Variants in RNF216 observed in about 807,000 individuals in gnomAD.
RNF216 encodes E3 ubiquitin-protein ligase RNF216.
Under a neutral mutation model 110.8 loss-of-function variants are expected in RNF216, and 72 were observed. The observed-to-expected ratio is 0.65, with a 90% confidence interval of 0.54 to 0.79. RNF216 has a LOEUF of 0.79. RNF216 is among the 30% of genes least tolerant of loss of function. RNF216 has a pLI of 0.00. For synonymous variants in RNF216, 495 were observed against 407.5 expected (o/e 1.21, Z -2.59); for missense variants, 1,342 against 1,141.2 (o/e 1.18, Z -2.54).
At chr7:5,738,087 CAAAAAAAAA>C (rs200643372) in intron 5 of RNF216, among the ~76,000 whole-genome samples, 23 of 111,004 alleles carry the variant, frequency 2.1e-4, no homozygotes, top group African/African-American at 8.7e-4. Context: ...AGACTGTCTC[CAAAAAAAAA>C]AAAAAAAAAA....
intron 15 of RNF216, among the ~76,000 whole-genome samples, chr7:5,633,330 A>G (rs893723071): frequency 2.0e-5 from 3 of 150,862 alleles, no homozygotes; most frequent in Admixed American, 2.0e-4. Context: ...AATCCCAGCA[A>G]TTTGGGAGGC....
chr7:5,660,708 G>C (rs1789061385), intron 13 of RNF216, among the ~76,000 whole-genome samples: 1 of 152,106 alleles, frequency 6.6e-6, no homozygotes, highest in East Asian at 1.9e-4. Flanking sequence ...CTCCCAAGTA[G>C]CTGGGACCAC....
At chr7:5,670,034 C>T (rs1433221889) in intron 13 of RNF216, among the ~76,000 whole-genome samples, 1 of 151,858 alleles carries the variant, frequency 6.6e-6, no homozygotes, top group African/African-American at 2.4e-5. Context: ...TCGAGCAATT[C>T]TCCTGTCTCA....
intron 1 of RNF216, among the ~76,000 whole-genome samples, chr7:5,779,053 A>G (rs1796932282): frequency 6.6e-6 from 1 of 152,216 alleles, no homozygotes; most frequent in African/African-American, 2.4e-5. Context: ...ACTATGTTCT[A>G]TTATCTTTAA....
intron 3 of RNF216, among the ~76,000 whole-genome samples, chr7:5,747,110 G>A (rs1446467762): frequency 6.6e-6 from 1 of 152,160 alleles, no homozygotes; most frequent in Non-Finnish European, 1.5e-5. Flanking sequence ...CTAACTCTGA[G>A]TTGCCTTTCT....
intron 13 of RNF216, among the ~76,000 whole-genome samples, chr7:5,659,508 C>A (rs1164564524): frequency 6.6e-6 from 1 of 152,140 alleles, no homozygotes; most frequent in Non-Finnish European, 1.5e-5. Context: ...GGACCATGGT[C>A]ACCCAGTAGG....
intron 1 of RNF216, among the ~76,000 whole-genome samples, chr7:5,764,838 G>A (rs181440498): frequency 4.6e-5 from 7 of 152,124 alleles, no homozygotes; most frequent in African/African-American, 1.7e-4. Context: ...AAGCCAAAGC[G>A]GGACAATCAC....
chr7:5,692,452 T>C (rs1260192534), intron 13 of RNF216, among the ~76,000 whole-genome samples: 2 of 152,204 alleles, frequency 1.3e-5, no homozygotes, highest in Non-Finnish European at 2.9e-5. Flanking sequence ...TTGGAAACAG[T>C]CTTGAATTCT....
intron 5 of RNF216, among the ~76,000 whole-genome samples, chr7:5,737,521 AAAAT>A (rs929044459): frequency 2.7e-4 from 6 of 22,088 alleles, no homozygotes; most frequent in Non-Finnish European, 4.9e-4. Flanking sequence ...TGATCAATTA[AAAAT>A]AATAATAATA....
At chr7:5,719,761 T>A (rs561212343) in intron 9 of RNF216, among the ~76,000 whole-genome samples, 7 of 152,372 alleles carry the variant, frequency 4.6e-5, no homozygotes, top group Non-Finnish European at 4.4e-5. Context: ...AGAAAATGCC[T>A]GCCAAATACC....
In RNF216 at chr7:5,777,190, C is replaced by A. The variant is rs953824299; in HGVS notation, c.-70+4351G>T. Among the ~76,000 whole-genome samples, 14 of 152,240 alleles carry A rather than the reference C, an allele frequency of 9.2e-5. No individual in the cohort carries two copies. In the East Asian group the frequency reaches 1.7e-3, roughly 19 times the overall value. ...AGAAGACATTGTGGAAGCGGATGCT[C>A]CAGCACTGGCCACCTCTGCTGACAA... On this transcript the variant is annotated intron_variant, in intron 1 of 16. Transcript: ENST00000389902.
intron 2 of RNF216, among the ~76,000 whole-genome samples, chr7:5,755,237 T>A (rs113312702): frequency 2.6e-5 from 1 of 37,778 alleles, no homozygotes; most frequent in Non-Finnish European, 5.2e-5. Context: ...GAGGGAAGGA[T>A]GAAAGGAAGG....
intron 13 of RNF216, among the ~76,000 whole-genome samples, chr7:5,694,329 G>A (rs1034338388): frequency 6.6e-6 from 1 of 152,202 alleles, no homozygotes; most frequent in Non-Finnish European, 1.5e-5. Flanking sequence ...GCTACTCAAT[G>A]ATATTCTCTT....
At chr7:5,779,827 T>C (rs1464016202) in intron 1 of RNF216, among the ~76,000 whole-genome samples, 2 of 14,010 alleles carry the variant, frequency 1.4e-4, no homozygotes, top group Admixed American at 1.9e-3. Context: ...AGACTCCGCC[T>C]CAAAAAAAAA....
At position 5,621,172 on chromosome 7, in the gene RNF216, T is replaced by TG. The variant is rs1786333672; in HGVS notation, c.*1687_*1688insC. 1 of 78,328 alleles carries TG rather than the reference T, an allele frequency of 1.3e-5. No homozygotes were observed. The allele number at this position is 78,328 out of a possible 1,614,324, so 4.9% of individuals were successfully genotyped here. On this transcript the variant is annotated 3_prime_UTR_variant, in exon 17 of 17. Coordinates refer to ENST00000389902, the MANE Select transcript of RNF216 (RefSeq NM_207111.4). ...AAGGCAGAAAGAATGGGTATCTTAG[T>TG]TTTTTTTTTTTTTTTTTTAAAGATA...
chr7:5,676,638 G>A (rs1279279669), intron 13 of RNF216, among the ~76,000 whole-genome samples: 2 of 152,226 alleles, frequency 1.3e-5, no homozygotes, highest in Non-Finnish European at 2.9e-5. Context: ...CACCACAGGG[G>A]AATACACACA....
At chr7:5,724,331 A>T (rs1403862511) in intron 8 of RNF216, among the ~76,000 whole-genome samples, 1 of 152,252 alleles carries the variant, frequency 6.6e-6, no homozygotes, top group Non-Finnish European at 1.5e-5. Context: ...ATGCTGACAA[A>T]TATAAAGGAA....
At chr7:5,758,735 T>C (rs1403946928) in intron 2 of RNF216, among the ~76,000 whole-genome samples, 2 of 152,202 alleles carry the variant, frequency 1.3e-5, no homozygotes, top group East Asian at 3.8e-4. Context: ...TGTACCCCCA[T>C]AGTATCTTGG....
intron 14 of RNF216, 132 bp from the exon 15 acceptor site, chr7:5,641,508 A>G: frequency 1.4e-6 from 1 of 739,830 alleles, no homozygotes; most frequent in Non-Finnish European, 2.2e-6. Flanking sequence ...CAGTGAAAAG[A>G]GCCTAGGTTT....
Sources: allele counts gnomAD v4.1 joint callset (sites outside exome capture counted in the v4.1 genomes callset), GRCh38; gene constraint gnomAD v4.1.1; transcripts MANE v1.5; gene names NCBI Gene and HGNC (gene_info 2026-07-23, HGNC 2026-07-21).